CFHR5: variants seen among roughly 807,000 people sequenced by gnomAD.
The protein encoded by CFHR5 is complement factor H related 5.
A neutral mutation model predicts 62.9 loss-of-function variants in CFHR5; 73 were observed. The ratio of observed to expected loss-of-function variants is 1.16; its 90% CI spans 0.96 to 1.41. The LOEUF (loss-of-function observed/expected upper bound fraction) is 1.41, where lower values mean the gene tolerates loss of function less well. CFHR5 is among the 40% of genes most tolerant of loss of function. The pLI, the probability that CFHR5 is intolerant of heterozygous loss-of-function variation, is 0.00. For synonymous variants in CFHR5, 249 were observed against 227.2 expected, an observed-to-expected ratio of 1.10 and a Z score of -0.86; for missense variants, 779 against 679.9, an observed-to-expected ratio of 1.15 and a Z score of -1.62.
rs777962172 is a variant in CFHR5, at chr1:196,998,298, T to G, written c.1141T>G (p.Cys381Gly). 1.9e-6 allele frequency: 3 copies of G among 1,610,340 alleles called. No individual in the cohort carries two copies. The highest frequency in any genetic ancestry group is 2.7e-5 in the African/African-American group (2 of 74,936). ...CGGGAAATGGAATCCTGAAGTAGACTGCACAGGTAAGATTTGTTTAAAACA... is the reference window on the plus strand; with the variant it reads ...CGGGAAATGGAATCCTGAAGTAGACGGCACAGGTAAGATTTGTTTAAAACA... Reference protein sequence around the residue: ...INGKWNPEVDCTEKREQFCPP... With the variant: ...INGKWNPEVDGTEKREQFCPP... Residue 381 changes from cysteine (C) to glycine (G), a missense_variant, in exon 7 of 10, where the codon TGC (cysteine) becomes GGC (glycine). Physicochemically the swap from Cys to Gly is radical, Grantham distance 159 (BLOSUM62 -3). Coordinates refer to ENST00000256785, the MANE Select transcript of CFHR5 (RefSeq NM_030787.4).
chr1:196,993,610 T>A (rs1377948913), intron 3 of CFHR5, among the ~76,000 whole-genome samples: 1 of 152,194 alleles, frequency 6.6e-6, no homozygotes, highest in South Asian at 2.1e-4. Flanking sequence ...ATATCTACTT[T>A]TTATACATCA....
In CFHR5 at chr1:196,995,714, T is replaced by A. The variant is rs375481393; in HGVS notation, c.608-3T>A. The A allele has an allele frequency of 2.4e-4, 391 of 1,611,168 alleles. No individual in the cohort carries two copies. The highest frequency in any genetic ancestry group is 3.2e-4 in the Non-Finnish European group (376 of 1,177,578). On this transcript the variant is annotated splice_region_variant and splice_polypyrimidine_tract_variant and intron_variant, in intron 4 of 9. Transcript: ENST00000256785. ...AGCATTATTTATGGTTTCTTTATAA[T>A]AGGACAAGTACGATCATGTGGTCCA...
At chr1:196,984,220 A>T in intron 3 of CFHR5, 83 bp downstream of exon 3, 1 of 1,201,074 alleles carries the variant, frequency 8.3e-7, no homozygotes, top group South Asian at 1.3e-5. Context: ...TAGGTTAAAT[A>T]TAGGTTTCAC....
intron 3 of CFHR5, among the ~76,000 whole-genome samples, chr1:196,993,652 T>A (rs1653908886): frequency 6.6e-6 from 1 of 152,290 alleles, no homozygotes; most frequent in South Asian, 2.1e-4. Flanking sequence ...TAATTAAATA[T>A]GTTGCAATTT....
chr1:196,997,858 A>T (rs988696099), intron 6 of CFHR5, among the ~76,000 whole-genome samples: 8 of 152,134 alleles, frequency 5.3e-5, no homozygotes, highest in African/African-American at 1.9e-4. Flanking sequence ...CCTAAGAACT[A>T]TCTTTCAGTC....
chr1:196,999,220 A>G (rs936023300), intron 7 of CFHR5, among the ~76,000 whole-genome samples: 2 of 152,012 alleles, frequency 1.3e-5, no homozygotes, highest in Admixed American at 6.6e-5. Context: ...TAAGGATTTC[A>G]AAAAGATAAG....
Position 197,004,821 on chromosome 1 carries a change from G to C in CFHR5, c.1491G>C (p.Trp497Cys). 1 of 1,613,330 alleles carries C rather than the reference G, an allele frequency of 6.2e-7. No homozygotes were observed. The highest frequency in any genetic ancestry group is 1.7e-5 in the Admixed American group (1 of 59,988). ...CTGTAACATGCAGAAATAAACAGTG[G>C]TCAGAACCACCAAGATGCCTAGGTG... is the stretch of plus-strand genomic sequence containing the variant. ...SVTVTCRNKQ[W>C]SEPPRCLDPC... Residue 497 changes from tryptophan (W) to cysteine (C), a missense_variant, in exon 9 of 10, where the codon TGG becomes TGC. By Grantham distance (215) the Trp-to-Cys change is radical. Transcript: ENST00000256785.
upstream of CFHR5, among the ~76,000 whole-genome samples, chr1:196,977,308 C>A: frequency 6.6e-6 from 1 of 150,460 alleles, no homozygotes. Flanking sequence ...AAAAAAAAAC[C>A]CAGGGGGCCG....
chr1:196,994,528 T>C (rs1653938426), intron 4 of CFHR5, among the ~76,000 whole-genome samples: 1 of 152,168 alleles, frequency 6.6e-6, no homozygotes. Context: ...GATTTTTCCA[T>C]CTAGCTCAAT....
At chr1:197,007,618 CAT>C (rs1654322577) in intron 9 of CFHR5, among the ~76,000 whole-genome samples, 1 of 148,956 alleles carries the variant, frequency 6.7e-6, no homozygotes, top group African/African-American at 2.5e-5. Context: ...AAATATATTA[CAT>C]ATTACATATA....
chr1:196,978,877 T>C (rs1390302340), intron 1 of CFHR5, among the ~76,000 whole-genome samples: 1 of 152,126 alleles, frequency 6.6e-6, no homozygotes, highest in Non-Finnish European at 1.5e-5. Context: ...ATATGTAGAA[T>C]TTTGACAATT....
chr1:197,008,655 GGAAATTTGAATATCCTATATGT>G lies in CFHR5; in HGVS notation c.1686_1707del (p.Lys562AsnfsTer24). The G allele has an allele frequency of 6.2e-7, 1 of 1,613,632 alleles. No homozygotes were observed. The highest frequency in any genetic ancestry group is 8.5e-7 in the Non-Finnish European group (1 of 1,179,692). ...CCATTTCGAGCAATCTGTCAGGAAG[GGAAATTTGAATATCCTATATGT>G]GAATGAAGCAAGCATAATTTTCCTG... is the stretch of plus-strand genomic sequence containing the variant. On this transcript the variant is annotated frameshift_variant, in exon 10 of 10. Coordinates refer to ENST00000256785, the MANE Select transcript of CFHR5 (RefSeq NM_030787.4). LOFTEE classifies it low-confidence loss of function (END_TRUNC).
chr1:196,979,319 G>A (rs927347863), intron 1 of CFHR5, among the ~76,000 whole-genome samples: 3 of 148,076 alleles, frequency 2.0e-5, no homozygotes, highest in African/African-American at 2.5e-5. Context: ...ATAGGAAAAC[G>A]TTCTGAGAAG....
At chr1:196,985,446 T>A (rs1004725166) in intron 3 of CFHR5, among the ~76,000 whole-genome samples, 1 of 152,050 alleles carries the variant, frequency 6.6e-6, no homozygotes, top group Non-Finnish European at 1.5e-5. Context: ...AACAGTTACG[T>A]CATGGTCTCT....
At chr1:196,994,567 T>C (rs974337664) in intron 4 of CFHR5, among the ~76,000 whole-genome samples, 2 of 152,220 alleles carry the variant, frequency 1.3e-5, no homozygotes, top group African/African-American at 4.8e-5. Flanking sequence ...AGAAATATTG[T>C]ACGAACAATG....
At chr1:196,987,587 G>A (rs1042941567) in intron 3 of CFHR5, among the ~76,000 whole-genome samples, 3 of 151,940 alleles carry the variant, frequency 2.0e-5, no homozygotes, top group African/African-American at 7.3e-5. Flanking sequence ...ATATGGCCAG[G>A]CAGTTTTCCC....
At chr1:197,007,521 T>C (rs1654318828) in intron 9 of CFHR5, among the ~76,000 whole-genome samples, 2 of 151,592 alleles carry the variant, frequency 1.3e-5, no homozygotes, top group South Asian at 4.2e-4. Context: ...GTATATAACA[T>C]AAAGACTTGG....
At chr1:197,008,449 A>ATTAT (rs1192498861) in intron 9 of CFHR5, 38 bp from the exon 10 acceptor site, 4 of 1,261,358 alleles carry the variant, frequency 3.2e-6, no homozygotes, top group African/African-American at 3.0e-5. Flanking sequence ...AAGATGTATT[A>ATTAT]TTATTTATTT....
chr1:196,991,235 T>C (rs924101797), intron 3 of CFHR5, among the ~76,000 whole-genome samples: 1 of 152,190 alleles, frequency 6.6e-6, no homozygotes, highest in Non-Finnish European at 1.5e-5. Context: ...AGGTCTTCTC[T>C]ACACTGTTTA....
Sources: gnomAD v4.1 joint callset for allele counts (sites outside exome capture counted in the v4.1 genomes callset) on GRCh38, gnomAD v4.1.1 for gene constraint, MANE v1.5 for transcripts, NCBI Gene and HGNC (gene_info 2026-07-23, HGNC 2026-07-21) for gene names.